ZNF430: variants seen among roughly 807,000 people sequenced by gnomAD.
The protein encoded by ZNF430 is zinc finger protein 430.
In ZNF430, 35 loss-of-function variants were observed where a neutral mutation model predicts 56.7. The ratio of observed to expected loss-of-function variants is 0.62; its 90% confidence interval spans 0.47 to 0.82. ZNF430 has a LOEUF of 0.82. Ranked by LOEUF, ZNF430 falls within the 40% of genes least tolerant of loss-of-function variation. The pLI is 0.00. For missense variants in ZNF430, 574 were observed against 661.0 expected (o/e 0.87, Z 1.44); for synonymous variants, 212 against 224.3 (o/e 0.94, Z 0.49).
chr19:21,053,672 G>A (rs1298470417), intron 4 of ZNF430: 1 of 152,200 alleles, frequency 6.6e-6, no homozygotes, highest in Non-Finnish European at 1.5e-5. Flanking sequence ...GGGATTACAG[G>A]CGTGAGCCAC....
At chr19:21,048,164 C>CTTTTTTTTTTTTTT (rs536496163) in intron 4 of ZNF430, among the ~76,000 whole-genome samples, 9 of 59,782 alleles carry the variant, frequency 1.5e-4, no homozygotes, top group Admixed American at 3.1e-4. Context: ...CATAAAACAT[C>CTTTTTTTTTTTTTT]TTTTTTTTTT....
chr19:21,057,928 C>T lies in ZNF430; in HGVS notation c.1620C>T (p.Pro540=). The T allele has an allele frequency of 1.2e-6, 2 of 1,613,406 alleles. No homozygotes were observed. Among genetic ancestry groups the T allele is most frequent in the South Asian group, 1.1e-5 (1 of 91,008 alleles). ...KHKVIHTGEK[P]YNCEEYGKAF... ...AGGTAATTCATACTGGAGAGAAACC[C>T]TACAACTGTGAAGAATACGGCAAAG... Residue 540 remains proline, a synonymous_variant, in exon 5 of 5, where the codon CCC becomes CCT. Coordinates refer to ENST00000261560, the MANE Select transcript of ZNF430 (RefSeq NM_025189.4).
At chr19:21,026,338 G>A (rs1967796138) in intron 2 of ZNF430, among the ~76,000 whole-genome samples, 1 of 151,758 alleles carries the variant, frequency 6.6e-6, no homozygotes, top group Non-Finnish European at 1.5e-5. Flanking sequence ...ATAGGCGCAC[G>A]CCACCACGCC....
rs1361136682 is a variant in ZNF430, at chr19:21,058,126, A to G, written c.*105A>G. The G allele has an allele frequency of 4.7e-6, 5 of 1,068,752 alleles. No individual in the cohort carries two copies. Among genetic ancestry groups the G allele is most frequent in the Non-Finnish European group, 6.7e-6 (5 of 750,974 alleles). The allele number at this position is 1,068,752 out of a possible 1,614,324, so 66.2% of individuals were successfully genotyped here. A position where few individuals can be genotyped will look rare whatever the true frequency, so the allele number is the denominator to read the frequency against. On this transcript the variant is annotated 3_prime_UTR_variant, in exon 5 of 5. Transcript: ENST00000261560. ...TGTGAAGAATATGGCAAAGCCTTCA[A>G]CAAGTCCTCAATTCTTACCAGACAT...
intron 4 of ZNF430, among the ~76,000 whole-genome samples, chr19:21,048,626 C>T (rs1968225227): frequency 6.6e-6 from 1 of 152,110 alleles, no homozygotes; most frequent in Non-Finnish European, 1.5e-5. Flanking sequence ...CTATCTTTTC[C>T]CCACATTCCC....
intron 2 of ZNF430, among the ~76,000 whole-genome samples, chr19:21,027,446 A>G (rs1967824490): frequency 6.6e-6 from 1 of 152,168 alleles, no homozygotes; most frequent in South Asian, 2.1e-4. Flanking sequence ...AATAACATTT[A>G]TTGATTGTAT....
rs542429839 is a variant in ZNF430, at chr19:21,038,107, A to C, written c.322+3923A>C. On this transcript the variant is annotated intron_variant, in intron 4 of 4. Transcript: ENST00000261560. ...TTGTTCCTCAGGCATTTAGTGTCTT[A>C]TCTAAGAAAATGGTGCCAAGACCAA... is the stretch of plus-strand genomic sequence containing the variant. Among the ~76,000 whole-genome samples the C allele has an allele frequency of 4.6e-5, 7 of 152,226 alleles. No individual in the cohort carries two copies. The East Asian group carries it at 1.4e-3, about 29-fold the overall frequency.
At position 21,042,516 on chromosome 19, in the gene ZNF430, G is replaced by A. The variant is rs955711438; in HGVS notation, c.322+8332G>A. 2.6e-5 allele frequency among the ~76,000 whole-genome samples: 4 copies of A among 152,216 alleles called. No individual in the cohort carries two copies. The East Asian group carries it at 5.8e-4, about 22-fold the overall frequency. ...ATAATCACGATTCTTGGCCGGGCACGGTGGCTCACACCTGTAATCCCAGCA... is the reference window on the plus strand; with the variant it reads ...ATAATCACGATTCTTGGCCGGGCACAGTGGCTCACACCTGTAATCCCAGCA... On this transcript the variant is annotated intron_variant, in intron 4 of 4. Transcript: ENST00000261560.
Position 21,058,217 on chromosome 19 carries a change from G to C in ZNF430, c.*196G>C. 1 of 572,704 alleles carries C rather than the reference G, an allele frequency of 1.7e-6. No individual in the cohort carries two copies. The highest frequency in any genetic ancestry group is 2.4e-5 in the South Asian group (1 of 42,498). The allele number at this position is 572,704 out of a possible 1,614,324, so 35.5% of individuals were successfully genotyped here. The stretch of plus-strand genomic sequence containing the variant: ...CCCAGCACTTTGGGAGGCTGAGACG[G>C]GTGAATTACATGAGGTTGGGAGTTC... On this transcript the variant is annotated 3_prime_UTR_variant, in exon 5 of 5. Coordinates refer to ENST00000261560, the MANE Select transcript of ZNF430 (RefSeq NM_025189.4).
intron 4 of ZNF430, among the ~76,000 whole-genome samples, chr19:21,046,227 C>T (rs1338305915): frequency 6.7e-6 from 1 of 149,530 alleles, no homozygotes; most frequent in Non-Finnish European, 1.5e-5. Context: ...GAAGCTGAGG[C>T]AGAATTGCTT....
chr19:21,049,638 GTGCAACATTTCTTGTTACGTTTCC>G (rs1200637644), intron 4 of ZNF430: 32 of 54,288 alleles, frequency 5.9e-4, no homozygotes, highest in African/African-American at 1.5e-3. Flanking sequence ...GTTACATTTC[GTGCAACATTTCTTGTTACGTTTCC>G]TGCAACATTT....
Position 21,057,620 on chromosome 19 carries a change from T to C in ZNF430, c.1312T>C (p.Phe438Leu). Residue 438 changes from phenylalanine (F) to leucine (L), a missense_variant, in exon 5 of 5, where the codon TTT (phenylalanine) becomes CTT (leucine). By Grantham distance (22) the Phe-to-Leu change is conservative (BLOSUM62 0). Transcript: ENST00000261560. ...PYKCEQCGKAFNESSNLTAHK... is the reference protein window; with the variant it reads ...PYKCEQCGKALNESSNLTAHK... ...CAAATGTGAACAATGTGGCAAAGCT[T>C]TTAATGAGTCCTCAAACCTTACTGC... 2.5e-6 allele frequency: 4 copies of C among 1,612,098 alleles called. No homozygotes were observed. Among genetic ancestry groups the C allele is most frequent in the Non-Finnish European group, 3.4e-6 (4 of 1,179,542 alleles).
chr19:21,040,814 G>C (rs970953864), intron 4 of ZNF430, among the ~76,000 whole-genome samples: 3 of 151,806 alleles, frequency 2.0e-5, no homozygotes, highest in Non-Finnish European at 4.4e-5. Flanking sequence ...ATATATATTG[G>C]AGTCCTGATG....
intron 4 of ZNF430, among the ~76,000 whole-genome samples, chr19:21,048,776 C>G (rs1000260887): frequency 6.6e-6 from 1 of 152,076 alleles, no homozygotes; most frequent in Non-Finnish European, 1.5e-5. Context: ...GAGGCGCCCC[C>G]CACCTCCCGG....
rs753953069 is a variant in ZNF430 at position 21,057,427 on chromosome 19, C to T, written c.1119C>T (p.Tyr373=). ...HKIIHAGEKP[Y]KCEECGKAFY... is the part of the protein sequence containing the mutation. ...TAATTCATGCTGGAGAGAAACCTTA[C>T]AAATGTGAAGAATGTGGCAAAGCTT... is the stretch of plus-strand genomic sequence containing the variant. Residue 373 remains tyrosine, a synonymous_variant, in exon 5 of 5, where the codon TAC becomes TAT. Coordinates refer to ENST00000261560, the MANE Select transcript of ZNF430 (RefSeq NM_025189.4). 16 of 1,613,576 alleles carry T rather than the reference C, an allele frequency of 9.9e-6. No homozygotes were observed. The highest frequency in any genetic ancestry group is 3.3e-4 in the Middle Eastern group (2 of 6,082).
rs562500742 is a variant in ZNF430, at chr19:21,047,053, A to G, written c.323-9578A>G. ...ATTCCCGTTTATTCTTTTTTCTTCA[A>G]TCTTGTCTGCCTGTTTTATTTCAGC... On this transcript the variant is annotated intron_variant, in intron 4 of 4. Coordinates refer to ENST00000261560, the MANE Select transcript of ZNF430 (RefSeq NM_025189.4). Among the ~76,000 whole-genome samples the G allele has an allele frequency of 3.9e-5, 6 of 152,128 alleles. 1 individual carries two copies. Among genetic ancestry groups the G allele is most frequent in the South Asian group, 2.1e-4 (1 of 4,828 alleles).
At position 21,056,722 on chromosome 19, in the gene ZNF430, T is replaced by G; in HGVS notation, c.414T>G (p.Cys138Trp). Residue 138 changes from cysteine to tryptophan, a missense_variant, in exon 5 of 5, where the codon TGT becomes TGG. Physicochemically the swap from Cys to Trp is radical, Grantham distance 215. This residue lies in a region of ZNF430 where 346 missense variants were observed against 399.1 expected (regional missense o/e 0.87). Coordinates refer to ENST00000261560, the MANE Select transcript of ZNF430 (RefSeq NM_025189.4). ...TCATATTGAGAAGATATGGAAAATG[T>G]GGACATGAAGATTTACAGTTAAGAA... Reference protein sequence around the residue: ...QEVILRRYGKCGHEDLQLRTG... With the variant: ...QEVILRRYGKWGHEDLQLRTG... 1 of 1,610,266 alleles carries G rather than the reference T, an allele frequency of 6.2e-7. No individual in the cohort carries two copies. The highest frequency in any genetic ancestry group is 2.2e-5 in the East Asian group (1 of 44,816).
intron 4 of ZNF430, among the ~76,000 whole-genome samples, chr19:21,053,084 C>G (rs139986744): frequency 6.6e-6 from 1 of 152,124 alleles, no homozygotes; most frequent in East Asian, 1.9e-4. Context: ...CGCGACTGTT[C>G]AGGACTCTTC....
In ZNF430 at chr19:21,056,751, G is replaced by T; in HGVS notation, c.443G>T (p.Gly148Val). The T allele has an allele frequency of 6.2e-7, 1 of 1,613,364 alleles. No individual in the cohort carries two copies. Among genetic ancestry groups the T allele is most frequent in the Middle Eastern group, 1.7e-4 (1 of 6,060 alleles). Reference sequence around the variant, plus strand: ...CATGAAGATTTACAGTTAAGAACAGGCTGTAAAAGTGTGGATGAGTGTAAT... The same window carrying T: ...CATGAAGATTTACAGTTAAGAACAGTCTGTAAAAGTGTGGATGAGTGTAAT... ...CGHEDLQLRTGCKSVDECNLH... is the reference protein window; with the variant it reads ...CGHEDLQLRTVCKSVDECNLH... The change falls in exon 5 of 5, where the codon GGC (glycine) becomes GTC (valine). Residue 148 changes from glycine to valine, a missense_variant. Gly to Val is a moderately radical substitution (Grantham distance 109, BLOSUM62 -3). Around this residue, in one of 3 missense-constraint regions of ZNF430, gnomAD observed 346 missense variants for 399.1 expected, o/e 0.87. Transcript: ENST00000261560.
Sources: allele counts gnomAD v4.1 joint callset (sites outside exome capture counted in the v4.1 genomes callset), GRCh38; gene constraint gnomAD v4.1.1; regional missense constraint gnomAD v4.1.1; transcripts MANE v1.5; gene names NCBI Gene and HGNC (gene_info 2026-07-23, HGNC 2026-07-21).